DGKE: variants seen among roughly 807,000 people sequenced by gnomAD.
DGKE encodes diacylglycerol kinase epsilon, also known as DAG kinase epsilon.
Under a neutral mutation model 70.0 loss-of-function variants are expected in DGKE, and 53 were observed. The ratio of observed to expected loss-of-function variants is 0.76; its 90% CI spans 0.61 to 0.95. DGKE has a LOEUF of 0.95. Ranked by LOEUF, DGKE falls within the 40% of genes least tolerant of loss-of-function variation. DGKE has a pLI of 0.00. For synonymous variants in DGKE, 291 were observed against 257.0 expected, an observed-to-expected ratio of 1.13 and a Z score of -1.27; for missense variants, 655 against 706.9, an observed-to-expected ratio of 0.93 and a Z score of 0.83.
Position 56,845,742 on chromosome 17 carries a change from C to G in DGKE, c.677C>G (p.Ser226Cys), listed in dbSNP as rs1167165089. The G allele has an allele frequency of 6.2e-7, 1 of 1,612,616 alleles. No individual in the cohort carries two copies. Among genetic ancestry groups the G allele is most frequent in the East Asian group, 2.2e-5 (1 of 44,762 alleles). Residue 226 changes from serine to cysteine, a missense_variant, in exon 4 of 12, where the codon TCT becomes TGT. Coordinates refer to ENST00000284061, the MANE Select transcript of DGKE (RefSeq NM_003647.3). ...ACCCCATTAATAATCCTGGCCAACT[C>G]TCGTAGTGGAACTAATATGGGAGAA... ...QWTPLIILANSRSGTNMGEGL... is the reference protein window; with the variant it reads ...QWTPLIILANCRSGTNMGEGL...
intron 2 of DGKE, among the ~76,000 whole-genome samples, chr17:56,839,466 A>C (rs748089461): frequency 3.3e-5 from 5 of 152,222 alleles, no homozygotes; most frequent in Non-Finnish European, 7.3e-5. Flanking sequence ...TTCAGGTTTG[A>C]ATATGGTATT....
chr17:56,839,648 A>T (rs111483595), intron 2 of DGKE, among the ~76,000 whole-genome samples: 2,517 of 152,224 alleles, frequency 0.017, 65 homozygotes, highest in African/African-American at 0.057. Flanking sequence ...CCTTCCAAGT[A>T]GCTGGGACTA....
At chr17:56,841,899 G>T (rs1907004353) in intron 2 of DGKE, among the ~76,000 whole-genome samples, 1 of 152,058 alleles carries the variant, frequency 6.6e-6, no homozygotes, top group Admixed American at 6.6e-5. Flanking sequence ...GGGTTCAAGT[G>T]ATCCTCCCAC....
intron 9 of DGKE, among the ~76,000 whole-genome samples, chr17:56,859,954 C>T (rs1354423579): frequency 6.6e-6 from 1 of 152,088 alleles, no homozygotes; most frequent in Non-Finnish European, 1.5e-5. Context: ...CTCTGGGCTG[C>T]CATGGCGTAG....
intron 4 of DGKE, 99 bp from the exon 5 acceptor site, chr17:56,847,823 G>T: frequency 1.2e-6 from 1 of 826,656 alleles, no homozygotes; most frequent in African/African-American, 1.7e-5. Context: ...AGCCAGTAAT[G>T]TTATTTAACT....
At chr17:56,857,486 C>T (rs780859016) in intron 8 of DGKE, among the ~76,000 whole-genome samples, 11 of 152,122 alleles carry the variant, frequency 7.2e-5, no homozygotes, top group Non-Finnish European at 8.8e-5. Context: ...AAATGCCTAG[C>T]AATTATATTC....
intron 8 of DGKE, among the ~76,000 whole-genome samples, chr17:56,857,117 C>A (rs970648855): frequency 9.2e-5 from 14 of 152,092 alleles, no homozygotes; most frequent in African/African-American, 3.4e-4. Context: ...AACAAAACAA[C>A]TTTATCAAAG....
chr17:56,834,662 T>A, intron 1 of DGKE, 116 bp from the exon 2 acceptor site: 1 of 977,790 alleles, frequency 1.0e-6, no homozygotes, highest in Non-Finnish European at 1.5e-6. Flanking sequence ...AGTCCCGCCC[T>A]CGGGAGAGCG....
Position 56,848,863 on chromosome 17 carries a change from G to A in DGKE, c.1046+10G>A, listed in dbSNP as rs138660678. ...GAATTAAACTAGATCGGTAAGTTAC[G>A]TTTCCCCAAAAAGTAGATTTCTTGA... On this transcript the variant is annotated intron_variant, in intron 6 of 11. Transcript: ENST00000284061. 62 of 1,613,930 alleles carry A rather than the reference G, an allele frequency of 3.8e-5. No homozygotes were observed. Among genetic ancestry groups the A allele is most frequent in the East Asian group, 8.9e-5 (4 of 44,870 alleles).
chr17:56,839,685 T>A (rs1287122977), intron 2 of DGKE, among the ~76,000 whole-genome samples: 2 of 146,306 alleles, frequency 1.4e-5, no homozygotes, highest in Non-Finnish European at 3.0e-5. Context: ...TGCCTGATAT[T>A]TTTTTTTTCT....
At position 56,868,774 on chromosome 17, in the gene DGKE, CAT is replaced by C. The variant is rs1186292764; in HGVS notation, c.*5988_*5989del. The C allele has an allele frequency of 6.6e-6, 1 of 152,196 alleles. No individual in the cohort carries two copies. The highest frequency in any genetic ancestry group is 2.4e-5 in the African/African-American group (1 of 41,452). 9.4% of individuals were successfully genotyped at this position (152,196 alleles called of 1,614,324 possible). A position where few individuals can be genotyped will look rare whatever the true frequency, so the allele number is the denominator to read the frequency against. Reference sequence around the variant, plus strand: ...GGTTCTTGGTCTACAGCAGGGCAAACATATATGTGGCAAGTTCTGATCACATA... The same window carrying C: ...GGTTCTTGGTCTACAGCAGGGCAAACATATGTGGCAAGTTCTGATCACATA... On this transcript the variant is annotated 3_prime_UTR_variant, in exon 12 of 12. Coordinates refer to ENST00000284061, the MANE Select transcript of DGKE (RefSeq NM_003647.3).
intron 2 of DGKE, chr17:56,836,061 T>C (rs1906598338): frequency 6.6e-6 from 1 of 152,248 alleles, no homozygotes; most frequent in Non-Finnish European, 1.5e-5. Flanking sequence ...CTCCAGGATT[T>C]CCAGCTCTGG....
At chr17:56,847,881 A>G (rs755818239) in intron 4 of DGKE, 41 bp from the exon 5 acceptor site, 4 of 1,446,610 alleles carry the variant, frequency 2.8e-6, no homozygotes, top group South Asian at 1.4e-5. Flanking sequence ...ATGAAGGAAA[A>G]TGTTGGATAA....
chr17:56,839,683 A>AT (rs143240418), intron 2 of DGKE, among the ~76,000 whole-genome samples: 13 of 149,218 alleles, frequency 8.7e-5, no homozygotes, highest in Non-Finnish European at 7.4e-5. Context: ...CATGCCTGAT[A>AT]TTTTTTTTTT....
intron 2 of DGKE, among the ~76,000 whole-genome samples, chr17:56,843,474 C>G (rs567378118): frequency 1.3e-5 from 2 of 152,162 alleles, no homozygotes; most frequent in South Asian, 4.1e-4. Flanking sequence ...CACAGATGCC[C>G]TGAATGGATC....
At chr17:56,852,449 G>A (rs1313962775) in intron 7 of DGKE, among the ~76,000 whole-genome samples, 1 of 151,882 alleles carries the variant, frequency 6.6e-6, no homozygotes, top group Non-Finnish European at 1.5e-5. Flanking sequence ...ATCTGATTAT[G>A]TTATTTAGAA....
In DGKE at chr17:56,835,039, C is replaced by G; in HGVS notation, c.244C>G (p.Leu82Val). The G allele has an allele frequency of 6.2e-7, 1 of 1,613,020 alleles. No homozygotes were observed. Among genetic ancestry groups the G allele is most frequent in the Non-Finnish European group, 8.5e-7 (1 of 1,180,030 alleles). The change falls in exon 2 of 12, where the codon CTG becomes GTG. Residue 82 changes from leucine to valine, a missense_variant. By Grantham distance (32) the Leu-to-Val change is conservative. Transcript: ENST00000284061. The stretch of plus-strand genomic sequence containing the variant: ...CTGCTGCGTGTGCGCGCAGCACATT[C>G]TGCAGGGCGCCTTCTGCGACTGCTG... ...TYCCVCAQHI[L>V]QGAFCDCCGL...
At position 56,862,669 on chromosome 17, in the gene DGKE, G is replaced by C; in HGVS notation, c.1582G>C (p.Gly528Arg). The change falls in exon 12 of 12, where the codon GGG becomes CGG. Residue 528 changes from glycine (G) to arginine (R), a missense_variant. Coordinates refer to ENST00000284061, the MANE Select transcript of DGKE (RefSeq NM_003647.3). ...MQVDGEPWAQ[G>R]PCTVTITHKT... is the part of the protein sequence containing the mutation. ...GGTGGATGGGGAGCCTTGGGCCCAA[G>C]GGCCCTGCACTGTCACCATAACTCA... is the stretch of plus-strand genomic sequence containing the variant. 6.3e-7 allele frequency: 1 copy of C among 1,597,978 alleles called. No homozygotes were observed.
intron 7 of DGKE, among the ~76,000 whole-genome samples, chr17:56,853,899 C>G (rs1829821796): frequency 6.6e-6 from 1 of 150,664 alleles, no homozygotes; most frequent in Admixed American, 6.6e-5. Flanking sequence ...AGCCAAGATG[C>G]AGAAATAACC....
Sources: gnomAD v4.1 joint callset for allele counts (sites outside exome capture counted in the v4.1 genomes callset) on GRCh38, gnomAD v4.1.1 for gene constraint, MANE v1.5 for transcripts, NCBI Gene and HGNC (gene_info 2026-07-23, HGNC 2026-07-21) for gene names.